Variants in DOCK2 observed in about 807,000 individuals in gnomAD.
The protein encoded by DOCK2 is dedicator of cytokinesis 2, also known as dedicator of cytokinesis protein 2.
A neutral mutation model predicts 248.9 loss-of-function variants in DOCK2; 87 were observed. The observed-to-expected ratio is 0.35, with a 90% CI of 0.29 to 0.42. The LOEUF is 0.42. DOCK2 is among the 10% of genes least tolerant of loss of function. The probability of loss-of-function intolerance (pLI) is 1.00; values close to 1 mark genes in which losing one functional copy is unlikely to be tolerated. For missense variants in DOCK2, 1,747 were observed against 2,300.2 expected, an observed-to-expected ratio of 0.76 and a Z score of 4.92; for synonymous variants, 805 against 821.6, an observed-to-expected ratio of 0.98 and a Z score of 0.35.
chr5:169,810,983 TCTCTCTCACA>T (rs756431100), intron 26 of DOCK2, among the ~76,000 whole-genome samples: 2,714 of 84,910 alleles, frequency 0.032, 71 homozygotes, highest in African/African-American at 0.088. Flanking sequence ...TCTCTCTCTC[TCTCTCTCACA>T]CACACACACA....
intron 33 of DOCK2, among the ~76,000 whole-genome samples, chr5:170,019,849 G>A (rs567027585): frequency 7.9e-5 from 12 of 152,042 alleles, no homozygotes; most frequent in African/African-American, 2.2e-4. Flanking sequence ...TGCCTGAGCC[G>A]TTCCCTCAGG....
intron 19 of DOCK2, among the ~76,000 whole-genome samples, chr5:169,715,598 T>C (rs1044463023): frequency 2.0e-4 from 30 of 151,820 alleles, no homozygotes; most frequent in African/African-American, 7.0e-4. Flanking sequence ...CTTTTTTCTT[T>C]TTTTTTTTTT....
At chr5:169,812,640 G>GT (rs1767826710) in intron 26 of DOCK2, among the ~76,000 whole-genome samples, 1 of 152,166 alleles carries the variant, frequency 6.6e-6, no homozygotes, top group African/African-American at 2.4e-5. Context: ...CAGAATTACA[G>GT]TAAACAAGAA....
At chr5:169,897,156 A>G (rs1773656636) in intron 27 of DOCK2, among the ~76,000 whole-genome samples, 1 of 152,182 alleles carries the variant, frequency 6.6e-6, no homozygotes, top group South Asian at 2.1e-4. Context: ...TGAGATTTGG[A>G]AAGTATCACA....
chr5:170,055,253 A>C, intron 41 of DOCK2, 52 bp from the exon 42 acceptor site: 1 of 1,579,368 alleles, frequency 6.3e-7, no homozygotes, highest in East Asian at 2.2e-5. Context: ...AGCTATACTT[A>C]AAACTGTCCC....
At chr5:169,737,214 A>T (rs957897329) in intron 22 of DOCK2, among the ~76,000 whole-genome samples, 1 of 152,116 alleles carries the variant, frequency 6.6e-6, no homozygotes, top group African/African-American at 2.4e-5. Flanking sequence ...GTAGGTGAAA[A>T]TAAAGCCAGA....
chr5:170,017,602 C>G (rs757867299), intron 32 of DOCK2, among the ~76,000 whole-genome samples: 2 of 152,168 alleles, frequency 1.3e-5, no homozygotes, highest in Non-Finnish European at 1.5e-5. Flanking sequence ...AAGCATTGTC[C>G]TGGGCAGTTG....
intron 27 of DOCK2, among the ~76,000 whole-genome samples, chr5:169,861,632 C>A (rs13354841): frequency 1.3e-5 from 2 of 152,214 alleles, no homozygotes; most frequent in East Asian, 1.9e-4. Flanking sequence ...GTAGATGTTA[C>A]GTAATATTTT....
chr5:169,726,878 A>T (rs1334366937), intron 22 of DOCK2, among the ~76,000 whole-genome samples: 1 of 152,172 alleles, frequency 6.6e-6, no homozygotes, highest in African/African-American at 2.4e-5. Context: ...GAGGATCAGT[A>T]ATTCTTCTCA....
chr5:169,696,266 G>A (rs1459454440), intron 10 of DOCK2, among the ~76,000 whole-genome samples: 1 of 152,130 alleles, frequency 6.6e-6, no homozygotes, highest in Non-Finnish European at 1.5e-5. Flanking sequence ...ATTATGAGGA[G>A]CAAATCATTT....
intron 26 of DOCK2, among the ~76,000 whole-genome samples, chr5:169,832,771 A>G (rs970534473): frequency 2.6e-5 from 4 of 152,208 alleles, no homozygotes; most frequent in South Asian, 2.1e-4. Context: ...GACCTCTTCC[A>G]TAGAACACAG....
At chr5:169,718,349 G>A (rs1419512191) in intron 21 of DOCK2, among the ~76,000 whole-genome samples, 1 of 152,228 alleles carries the variant, frequency 6.6e-6, no homozygotes, top group African/African-American at 2.4e-5. Flanking sequence ...TGAAAAAAAA[G>A]ACATTATTGC....
chr5:170,053,930 G>A (rs931264461), intron 41 of DOCK2, among the ~76,000 whole-genome samples: 1 of 152,174 alleles, frequency 6.6e-6, no homozygotes, highest in African/African-American at 2.4e-5. Context: ...GAGGTGGGCT[G>A]GGGGGATGAG....
At chr5:169,790,766 TGAAA>T (rs1766289213) in intron 25 of DOCK2, among the ~76,000 whole-genome samples, 1 of 152,204 alleles carries the variant, frequency 6.6e-6, no homozygotes. Context: ...GATCTTCTTA[TGAAA>T]GAGTCATTCT....
At position 169,680,086 on chromosome 5, in the gene DOCK2, T is replaced by C. The variant is rs535455095; in HGVS notation, c.471-1658T>C. Among the ~76,000 whole-genome samples the C allele has an allele frequency of 4.6e-5, 7 of 152,314 alleles. No homozygotes were observed. In the East Asian group the frequency reaches 1.4e-3, roughly 29 times the overall value. On this transcript the variant is annotated intron_variant, in intron 6 of 51. Coordinates refer to ENST00000520908, the MANE Select transcript of DOCK2 (RefSeq NM_004946.3). ...ACCCTACCCCACTCCACAACCCATA[T>C]ACTGCTCCTAAGCTCCTCCTATCTA...
At chr5:169,742,123 T>C (rs1763350106) in intron 22 of DOCK2, among the ~76,000 whole-genome samples, 1 of 152,194 alleles carries the variant, frequency 6.6e-6, no homozygotes, top group African/African-American at 2.4e-5. Context: ...GCCCTTTTAC[T>C]CATTTTTATC....
At position 170,050,366 on chromosome 5, in the gene DOCK2, G is replaced by A. The variant is rs751200591; in HGVS notation, c.4182G>A (p.Pro1394=). Residue 1394 remains proline, a synonymous_variant, in exon 41 of 52, where the codon CCG becomes CCA. Coordinates refer to ENST00000520908, the MANE Select transcript of DOCK2 (RefSeq NM_004946.3). ...AGAAGATGAACACCACCTCTGCCCC[G>A]GGAGATGATGTGAAGAATGCCCCAG... ...NAEKMNTTSA[P]GDDVKNAPGQ... is the part of the protein sequence containing the mutation. 1.8e-5 allele frequency: 29 copies of A among 1,613,964 alleles called. No individual in the cohort carries two copies. Among genetic ancestry groups the A allele is most frequent in the East Asian group, 2.2e-5 (1 of 44,892 alleles).
intron 27 of DOCK2, among the ~76,000 whole-genome samples, chr5:169,848,733 G>T (rs1244090638): frequency 6.6e-6 from 1 of 152,180 alleles, no homozygotes; most frequent in Non-Finnish European, 1.5e-5. Flanking sequence ...CACAGAGGAG[G>T]CTATTGAGTG....
chr5:169,720,383 G>A (rs1052119079), intron 22 of DOCK2, among the ~76,000 whole-genome samples: 4 of 152,134 alleles, frequency 2.6e-5, no homozygotes, highest in Non-Finnish European at 5.9e-5. Flanking sequence ...GACCTTTTCA[G>A]TTCTTCCTTT....
Sources: allele counts gnomAD v4.1 joint callset (sites outside exome capture counted in the v4.1 genomes callset), GRCh38; gene constraint gnomAD v4.1.1; transcripts MANE v1.5; gene names NCBI Gene and HGNC (gene_info 2026-07-23, HGNC 2026-07-21).